RSBN1L: variants seen among roughly 807,000 people sequenced by gnomAD.
The protein encoded by RSBN1L is lysine-specific demethylase RSBN1L.
RSBN1L carries 30 observed loss-of-function variants against 67.7 expected under a neutral mutation model. That is an observed-to-expected ratio of 0.44 (90% CI 0.33 to 0.60). The LOEUF is 0.60. RSBN1L is among the 20% of genes least tolerant of loss of function. The probability of loss-of-function intolerance (pLI) is 0.02; values close to 1 mark genes in which losing one functional copy is unlikely to be tolerated. For synonymous variants in RSBN1L, 433 were observed against 387.0 expected (o/e 1.12, Z -1.39); for missense variants, 992 against 1,031.7 (o/e 0.96, Z 0.53).
chr7:77,747,103 A>G (rs768673352), intron 2 of RSBN1L, among the ~76,000 whole-genome samples: 1 of 152,174 alleles, frequency 6.6e-6, no homozygotes, highest in Non-Finnish European at 1.5e-5. Flanking sequence ...CCCACTCTGC[A>G]GTACCCTGGT....
chr7:77,726,349 A>G (rs1407569609), intron 1 of RSBN1L, among the ~76,000 whole-genome samples: 2 of 152,154 alleles, frequency 1.3e-5, no homozygotes, highest in South Asian at 2.1e-4. Flanking sequence ...TGGCTGAGAC[A>G]GTATCTCAGA....
At chr7:77,720,814 C>G (rs566498427) in intron 1 of RSBN1L, among the ~76,000 whole-genome samples, 90 of 133,182 alleles carry the variant, frequency 6.8e-4, no homozygotes, top group African/African-American at 2.4e-3. Context: ...CACCCAGGCT[C>G]GAGTGCAGTG....
intron 1 of RSBN1L, among the ~76,000 whole-genome samples, chr7:77,707,306 G>C (rs1790906695): frequency 6.6e-6 from 1 of 152,292 alleles, no homozygotes; most frequent in Admixed American, 6.5e-5. Context: ...TTATAGGCTT[G>C]AGCAACCGTG....
At chr7:77,733,317 T>C (rs1052639759) in intron 1 of RSBN1L, among the ~76,000 whole-genome samples, 5 of 152,178 alleles carry the variant, frequency 3.3e-5, no homozygotes, top group Non-Finnish European at 5.9e-5. Context: ...TAGATGGGAT[T>C]ATTTGTGTTT....
chr7:77,742,180 A>AAACACACAC (rs1554340015), intron 2 of RSBN1L, among the ~76,000 whole-genome samples: 5 of 82,176 alleles, frequency 6.1e-5, no homozygotes, highest in African/African-American at 1.2e-4. Context: ...AAAAAAAAAA[A>AAACACACAC]ATACACACAC....
intron 1 of RSBN1L, among the ~76,000 whole-genome samples, chr7:77,733,903 G>C (rs1287182617): frequency 3.3e-5 from 5 of 152,212 alleles, no homozygotes; most frequent in Non-Finnish European, 7.3e-5. Context: ...AAGGCGTGCA[G>C]ATCACTTGAG....
In RSBN1L at chr7:77,696,866, A is replaced by T. The variant is rs1790738320; in HGVS notation, c.397A>T (p.Thr133Ser). Reference protein sequence around the residue: ...PVPRKLLVPPTLLHAQPHHLL... With the variant: ...PVPRKLLVPPSLLHAQPHHLL... The stretch of plus-strand genomic sequence containing the variant: ...GCCGCGCAAACTGCTGGTCCCTCCT[A>T]CGCTGCTGCACGCTCAGCCTCACCA... Residue 133 changes from threonine (T) to serine (S), a missense_variant, in exon 1 of 8, where the codon ACG becomes TCG. Thr to Ser is a moderately conservative substitution (Grantham distance 58). Coordinates refer to ENST00000334955, the MANE Select transcript of RSBN1L (RefSeq NM_198467.3). 2 of 1,610,590 alleles carry T rather than the reference A, an allele frequency of 1.2e-6. No homozygotes were observed. The highest frequency in any genetic ancestry group is 2.7e-5 in the African/African-American group (2 of 74,850).
chr7:77,700,240 G>A (rs957652213), intron 1 of RSBN1L, among the ~76,000 whole-genome samples: 3 of 151,960 alleles, frequency 2.0e-5, no homozygotes, highest in African/African-American at 7.3e-5. Flanking sequence ...ATATACCAAG[G>A]GTATCCAAAA....
chr7:77,722,572 G>T (rs1441779359), intron 1 of RSBN1L, among the ~76,000 whole-genome samples: 1 of 152,112 alleles, frequency 6.6e-6, no homozygotes, highest in Non-Finnish European at 1.5e-5. Context: ...TACTGTTTGT[G>T]AAGTCCTTTC....
chr7:77,709,591 A>G (rs993525351), intron 1 of RSBN1L, among the ~76,000 whole-genome samples: 1 of 152,080 alleles, frequency 6.6e-6, no homozygotes, highest in South Asian at 2.1e-4. Flanking sequence ...TTCCCCACCA[A>G]TAGTTACTTT....
chr7:77,715,042 T>C (rs1031600763), intron 1 of RSBN1L, among the ~76,000 whole-genome samples: 7 of 151,102 alleles, frequency 4.6e-5, no homozygotes, highest in Admixed American at 2.0e-4. Flanking sequence ...TAGGCTGATA[T>C]GGGCAGGTCA....
At chr7:77,774,680 T>C (rs1584306283) in intron 6 of RSBN1L, among the ~76,000 whole-genome samples, 1 of 152,296 alleles carries the variant, frequency 6.6e-6, no homozygotes, top group East Asian at 1.9e-4. Flanking sequence ...GAGGTTGCAG[T>C]GAGCCAAGAT....
intron 3 of RSBN1L, among the ~76,000 whole-genome samples, chr7:77,752,382 C>T (rs759102441): frequency 6.7e-6 from 1 of 148,232 alleles, no homozygotes. Flanking sequence ...GTGCAAGGCC[C>T]GTATTCCTTT....
rs1791994622 is a variant in RSBN1L, at chr7:77,781,303, A to G, written c.*2135A>G. The G allele has an allele frequency of 6.6e-6, 1 of 152,228 alleles. No homozygotes were observed. Among genetic ancestry groups the G allele is most frequent in the Non-Finnish European group, 1.5e-5 (1 of 68,040 alleles). 9.4% of individuals were successfully genotyped at this position (152,228 alleles called of 1,614,324 possible). Reference sequence around the variant, plus strand: ...TTGTTTTATATGTCATTGTCTTACCATGCTCCCCACCTATTTAATCTTCTG... The same window carrying G: ...TTGTTTTATATGTCATTGTCTTACCGTGCTCCCCACCTATTTAATCTTCTG... On this transcript the variant is annotated 3_prime_UTR_variant, in exon 8 of 8. Transcript: ENST00000334955.
intron 3 of RSBN1L, among the ~76,000 whole-genome samples, chr7:77,755,528 T>C (rs1031543927): frequency 3.3e-5 from 5 of 151,938 alleles, no homozygotes. Flanking sequence ...TAGCTGGGCA[T>C]GGTGGTGGGC....
At chr7:77,733,114 C>T (rs1157444369) in intron 1 of RSBN1L, among the ~76,000 whole-genome samples, 2 of 151,936 alleles carry the variant, frequency 1.3e-5, no homozygotes, top group Non-Finnish European at 1.5e-5. Flanking sequence ...AGCAACATAG[C>T]GAGACCCTGT....
intron 4 of RSBN1L, among the ~76,000 whole-genome samples, chr7:77,767,942 C>T (rs1275812082): frequency 9.0e-5 from 13 of 145,098 alleles, no homozygotes; most frequent in Admixed American, 6.2e-4. Context: ...CCTCCGCCTC[C>T]GAGGTTCAAG....
intron 1 of RSBN1L, among the ~76,000 whole-genome samples, chr7:77,715,178 A>G (rs1791030424): frequency 6.6e-6 from 1 of 152,112 alleles, no homozygotes; most frequent in South Asian, 2.1e-4. Context: ...AGGCTGAGAC[A>G]TGAGAATTGC....
intron 2 of RSBN1L, among the ~76,000 whole-genome samples, chr7:77,739,362 T>TA (rs1487930758): frequency 6.6e-6 from 1 of 152,180 alleles, no homozygotes; most frequent in Non-Finnish European, 1.5e-5. Flanking sequence ...TTTGAAAATC[T>TA]AAAATAGATG....
Sources: gnomAD v4.1 joint callset for allele counts (sites outside exome capture counted in the v4.1 genomes callset) on GRCh38, gnomAD v4.1.1 for gene constraint, MANE v1.5 for transcripts, NCBI Gene and HGNC (gene_info 2026-07-23, HGNC 2026-07-21) for gene names.